Variants in CAMK2D observed in about 807,000 individuals in gnomAD.
CAMK2D encodes calcium/calmodulin dependent protein kinase II delta.
In CAMK2D, 37 loss-of-function variants were observed where a neutral mutation model predicts 84.0. That is an observed-to-expected ratio of 0.44 (90% CI 0.34 to 0.58). CAMK2D has a LOEUF of 0.58. Ranked by LOEUF, CAMK2D falls within the 20% of genes least tolerant of loss-of-function variation. The probability of loss-of-function intolerance (pLI) is 0.02; values close to 1 mark genes in which losing one functional copy is unlikely to be tolerated. For synonymous variants in CAMK2D, 202 were observed against 212.5 expected (o/e 0.95, Z 0.43); for missense variants, 448 against 652.5 (o/e 0.69, Z 3.41).
intron 2 of CAMK2D, among the ~76,000 whole-genome samples, chr4:113,705,476 G>C (rs2099447033): frequency 6.6e-6 from 1 of 152,078 alleles, no homozygotes; most frequent in Non-Finnish European, 1.5e-5. Flanking sequence ...CCACCCAAAG[G>C]CCTTTGCATT....
intron 2 of CAMK2D, among the ~76,000 whole-genome samples, chr4:113,731,585 C>CTTTTTT (rs577555908): frequency 7.8e-6 from 1 of 127,768 alleles, no homozygotes; most frequent in African/African-American, 2.9e-5. Flanking sequence ...AGGGTTATTG[C>CTTTTTT]TTTTTTTTTT....
intron 3 of CAMK2D, among the ~76,000 whole-genome samples, chr4:113,630,889 G>A (rs987701150): frequency 6.6e-6 from 1 of 152,152 alleles, no homozygotes; most frequent in Non-Finnish European, 1.5e-5. Flanking sequence ...ATAACTCAGA[G>A]TGTTGTAATT....
intron 2 of CAMK2D, among the ~76,000 whole-genome samples, chr4:113,683,168 T>C (rs934478156): frequency 1.3e-5 from 2 of 152,222 alleles, no homozygotes; most frequent in Non-Finnish European, 2.9e-5. Flanking sequence ...GACATTTAAT[T>C]GGTGATCTCA....
chr4:113,742,428 G>T (rs1223357907), intron 2 of CAMK2D, among the ~76,000 whole-genome samples: 1 of 152,014 alleles, frequency 6.6e-6, no homozygotes, highest in African/African-American at 2.4e-5. Context: ...TGAATAATTA[G>T]ATTTTAAACA....
chr4:113,599,170 G>A (rs1483114233), intron 4 of CAMK2D, among the ~76,000 whole-genome samples: 1 of 152,166 alleles, frequency 6.6e-6, no homozygotes, highest in East Asian at 1.9e-4. Context: ...AAATGCTGGT[G>A]AGAATTCTTA....
intron 4 of CAMK2D, among the ~76,000 whole-genome samples, chr4:113,565,423 G>A (rs1303974378): frequency 2.0e-5 from 3 of 152,134 alleles, no homozygotes; most frequent in African/African-American, 7.2e-5. Context: ...GGCCAAGGCG[G>A]GTGGATCAGT....
intron 3 of CAMK2D, among the ~76,000 whole-genome samples, chr4:113,634,950 T>C (rs2099104288): frequency 6.6e-6 from 1 of 152,142 alleles, no homozygotes; most frequent in Non-Finnish European, 1.5e-5. Flanking sequence ...GTAATTATCT[T>C]CACAAAATAG....
At chr4:113,505,121 T>G in intron 13 of CAMK2D, 86 bp from the exon 14 acceptor site, 4 of 649,352 alleles carry the variant, frequency 6.2e-6, no homozygotes, top group Non-Finnish European at 7.5e-6. Flanking sequence ...TACATAGAGA[T>G]GTAGACATGA....
chr4:113,723,771 A>G (rs1255904178), intron 2 of CAMK2D, among the ~76,000 whole-genome samples: 1 of 152,206 alleles, frequency 6.6e-6, no homozygotes, highest in East Asian at 1.9e-4. Flanking sequence ...TACTCACCAT[A>G]AAAGACATAG....
chr4:113,710,497 A>G (rs1428714578), intron 2 of CAMK2D, among the ~76,000 whole-genome samples: 3 of 152,182 alleles, frequency 2.0e-5, no homozygotes, highest in African/African-American at 2.4e-5. Flanking sequence ...TTCACAACAC[A>G]CAACAATCAC....
intron 7 of CAMK2D, among the ~76,000 whole-genome samples, chr4:113,533,518 CAA>C (rs1465686191): frequency 6.6e-6 from 1 of 151,796 alleles, no homozygotes; most frequent in Admixed American, 6.6e-5. Context: ...ATAGATAACA[CAA>C]AGAGAAAAGA....
At chr4:113,555,066 T>C (rs1206741014) in intron 4 of CAMK2D, among the ~76,000 whole-genome samples, 1 of 152,240 alleles carries the variant, frequency 6.6e-6, no homozygotes, top group African/African-American at 2.4e-5. Flanking sequence ...ATTATTACCC[T>C]GTATAATAAA....
At chr4:113,500,575 A>T (rs954840921) in intron 15 of CAMK2D, 64 bp from the exon 16 acceptor site, 8 of 1,109,648 alleles carry the variant, frequency 7.2e-6, no homozygotes, top group Non-Finnish European at 1.4e-6. Context: ...CTCCTTAAAA[A>T]TTGGCTAGTG....
Position 113,466,698 on chromosome 4 carries a change from G to C in CAMK2D, c.1136-1094C>G, listed in dbSNP as rs147390883. 2.4e-3 allele frequency among the ~76,000 whole-genome samples: 368 copies of C among 152,286 alleles called. 1 individual carries two copies. The highest frequency in any genetic ancestry group is 7.3e-3 in the African/African-American group (303 of 41,574). On this transcript the variant is annotated intron_variant, in intron 16 of 20. Coordinates refer to ENST00000511664, the MANE Select transcript of CAMK2D (RefSeq NM_001321571.2). ...TTTCTATTCCTAGCCCATAATTGGT[G>C]AAATTATTAATAGTGGTTTGGCTCA...
At chr4:113,602,956 TG>T (rs1192520949) in intron 4 of CAMK2D, among the ~76,000 whole-genome samples, 1 of 152,224 alleles carries the variant, frequency 6.6e-6, no homozygotes, top group Non-Finnish European at 1.5e-5. Context: ...GAAATGAACT[TG>T]ATCTGTGATC....
At chr4:113,731,778 G>A (rs1266202025) in intron 2 of CAMK2D, among the ~76,000 whole-genome samples, 1 of 151,960 alleles carries the variant, frequency 6.6e-6, no homozygotes, top group Non-Finnish European at 1.5e-5. Flanking sequence ...TAGAGATGGG[G>A]TTTCACCATG....
At chr4:113,582,292 T>C (rs899743368) in intron 4 of CAMK2D, among the ~76,000 whole-genome samples, 67 of 152,204 alleles carry the variant, frequency 4.4e-4, no homozygotes, top group African/African-American at 1.6e-3. Flanking sequence ...AGGAAATTTA[T>C]ATATAAACCA....
intron 8 of CAMK2D, among the ~76,000 whole-genome samples, chr4:113,518,677 G>A (rs1045772249): frequency 6.6e-6 from 1 of 152,142 alleles, no homozygotes; most frequent in Non-Finnish European, 1.5e-5. Context: ...GAGAAGAAGA[G>A]TAAGACAGGT....
intron 2 of CAMK2D, among the ~76,000 whole-genome samples, chr4:113,709,272 T>C (rs923235800): frequency 4.6e-5 from 7 of 152,148 alleles, no homozygotes. Context: ...CCAAAATAAA[T>C]GTTTTTCTCA....
Sources: allele counts gnomAD v4.1 joint callset (sites outside exome capture counted in the v4.1 genomes callset), GRCh38; gene constraint gnomAD v4.1.1; transcripts MANE v1.5; gene names NCBI Gene and HGNC (gene_info 2026-07-23, HGNC 2026-07-21).